MAP3K5: variants seen among roughly 807,000 people sequenced by gnomAD.
MAP3K5 encodes ASK-1.
MAP3K5 carries 56 observed loss-of-function variants against 158.7 expected under a neutral mutation model. That is an observed-to-expected ratio of 0.35 (90% confidence interval 0.28 to 0.44). The LOEUF is 0.44. MAP3K5 is among the 20% of genes least tolerant of loss of function. The probability of loss-of-function intolerance (pLI) is 1.00; values close to 1 mark genes in which losing one functional copy is unlikely to be tolerated. For synonymous variants in MAP3K5, 579 were observed against 601.7 expected (o/e 0.96, Z 0.55); for missense variants, 1,294 against 1,674.8 (o/e 0.77, Z 3.97).
chr6:136,775,659 C>T (rs1168230690), intron 1 of MAP3K5, among the ~76,000 whole-genome samples: 3 of 152,216 alleles, frequency 2.0e-5, no homozygotes, highest in Non-Finnish European at 2.9e-5. Flanking sequence ...CATACATCCA[C>T]TCCTGCAAAC....
In MAP3K5 at chr6:136,726,782, G is replaced by T. The variant is rs545705160; in HGVS notation, c.449-6193C>A. ...TTCAAATCACAATTGCTCATTGCTA[G>T]CATATAAAAATACAATAATTTTTGT... is the stretch of plus-strand genomic sequence containing the variant. On this transcript the variant is annotated intron_variant, in intron 1 of 29. Transcript: ENST00000359015. 5.3e-5 allele frequency among the ~76,000 whole-genome samples: 8 copies of T among 152,216 alleles called. No individual in the cohort carries two copies. The East Asian group carries it at 1.5e-3, about 29-fold the overall frequency.
intron 25 of MAP3K5, among the ~76,000 whole-genome samples, chr6:136,571,179 G>A (rs1044420504): frequency 1.3e-5 from 2 of 152,106 alleles, no homozygotes; most frequent in Admixed American, 6.5e-5. Flanking sequence ...ATCACAGATG[G>A]CTACCCAATT....
At chr6:136,589,518 AG>A (rs1360969238) in intron 23 of MAP3K5, among the ~76,000 whole-genome samples, 2 of 152,214 alleles carry the variant, frequency 1.3e-5, no homozygotes, top group Non-Finnish European at 2.9e-5. Context: ...ACAGAATTCC[AG>A]GGAACACATT....
chr6:136,638,055 T>C (rs1438833230), intron 13 of MAP3K5, among the ~76,000 whole-genome samples: 4 of 152,140 alleles, frequency 2.6e-5, no homozygotes, highest in Non-Finnish European at 5.9e-5. Flanking sequence ...TCATATGTGG[T>C]ATCAACTTCC....
chr6:136,627,710 C>A (rs1777107101), intron 14 of MAP3K5, among the ~76,000 whole-genome samples: 1 of 152,210 alleles, frequency 6.6e-6, no homozygotes, highest in South Asian at 2.1e-4. Context: ...TAGGCCCTCA[C>A]CAGACACTGA....
At chr6:136,755,159 G>T (rs770445343) in intron 1 of MAP3K5, among the ~76,000 whole-genome samples, 11 of 151,852 alleles carry the variant, frequency 7.2e-5, no homozygotes, top group African/African-American at 9.7e-5. Flanking sequence ...ACCTTTAATG[G>T]CTCAGAAAGA....
intron 1 of MAP3K5, among the ~76,000 whole-genome samples, chr6:136,743,293 A>G (rs557890002): frequency 3.7e-4 from 56 of 152,224 alleles, no homozygotes; most frequent in East Asian, 7.7e-4. Context: ...TACTAAAAAT[A>G]CAAAAAATTA....
intron 1 of MAP3K5, among the ~76,000 whole-genome samples, chr6:136,766,654 G>A (rs189151160): frequency 1.2e-3 from 185 of 152,180 alleles, no homozygotes; most frequent in Middle Eastern, 3.4e-3. Flanking sequence ...CCAAATTTAA[G>A]GTAACATTTC....
intron 26 of MAP3K5, among the ~76,000 whole-genome samples, chr6:136,563,037 T>C (rs751549191): frequency 6.6e-6 from 1 of 152,026 alleles, no homozygotes; most frequent in African/African-American, 2.4e-5. Flanking sequence ...CCTAATTTTA[T>C]TGAAATACAG....
chr6:136,747,525 T>C (rs1339834784), intron 1 of MAP3K5, among the ~76,000 whole-genome samples: 1 of 152,240 alleles, frequency 6.6e-6, no homozygotes, highest in Non-Finnish European at 1.5e-5. Flanking sequence ...GCTGGAAATG[T>C]ACAGCAAAGG....
At chr6:136,743,759 A>G (rs1782814343) in intron 1 of MAP3K5, among the ~76,000 whole-genome samples, 1 of 152,260 alleles carries the variant, frequency 6.6e-6, no homozygotes, top group South Asian at 2.1e-4. Flanking sequence ...AGCTTTATTC[A>G]TAATTGCTAA....
At chr6:136,608,365 T>C (rs1204113486) in intron 18 of MAP3K5, among the ~76,000 whole-genome samples, 1 of 151,348 alleles carries the variant, frequency 6.6e-6, no homozygotes, top group Non-Finnish European at 1.5e-5. Context: ...GAGTAGACAG[T>C]AGGGGGCAAA....
At chr6:136,598,363 C>T (rs549972925) in intron 21 of MAP3K5, among the ~76,000 whole-genome samples, 2 of 152,234 alleles carry the variant, frequency 1.3e-5, no homozygotes, top group Non-Finnish European at 2.9e-5. Flanking sequence ...CACTGTCTCT[C>T]CCTTTTGACT....
In MAP3K5 at chr6:136,583,605, T is replaced by C. The variant is rs746238400; in HGVS notation, c.3361A>G (p.Ser1121Gly). Residue 1121 changes from serine to glycine, a missense_variant, in exon 24 of 30, where the codon AGC (serine) becomes GGC (glycine). Physicochemically the swap from Ser to Gly is moderately conservative, Grantham distance 56. Around this residue, in one of 5 missense-constraint regions of MAP3K5, gnomAD observed 362 missense variants for 463.2 expected, o/e 0.78. Transcript: ENST00000359015. The stretch of plus-strand genomic sequence containing the variant: ...ACCTGGACTTGGCTAATGCCATGGC[T>C]GTCGAAGTCCAGCTCCAGTTTCAGC... ...SKLKLELDFD[S>G]HGISQVQVVL... 3.7e-6 allele frequency: 6 copies of C among 1,614,254 alleles called. No individual in the cohort carries two copies. In the East Asian group the frequency reaches 1.3e-4, roughly 36 times the overall value.
intron 7 of MAP3K5, among the ~76,000 whole-genome samples, chr6:136,679,134 T>C (rs568160717): frequency 1.1e-3 from 165 of 152,370 alleles, no homozygotes; most frequent in Non-Finnish European, 1.9e-3. Flanking sequence ...AATTGCCTTA[T>C]GATTAGTACT....
At chr6:136,766,108 G>A (rs192507134) in intron 1 of MAP3K5, among the ~76,000 whole-genome samples, 88 of 152,300 alleles carry the variant, frequency 5.8e-4, no homozygotes, top group African/African-American at 2.0e-3. Flanking sequence ...ATCTGGTACA[G>A]CATAAAACCA....
rs1273549190 is a variant in MAP3K5 at position 136,698,445 on chromosome 6, CA to C, written c.806+43del. ...ATGCACAAATAAAGATGTAGAATAA[CA>C]CTTTATTGTCATCACCAAATGGCAT... is the stretch of plus-strand genomic sequence containing the variant. On this transcript the variant is annotated intron_variant, in intron 4 of 29. Coordinates refer to ENST00000359015, the MANE Select transcript of MAP3K5 (RefSeq NM_005923.4). 3 of 1,516,620 alleles carry C rather than the reference CA, an allele frequency of 2.0e-6. No individual in the cohort carries two copies. In the African/African-American group the frequency reaches 4.1e-5, roughly 21 times the overall value. 93.9% of individuals were successfully genotyped at this position (1,516,620 alleles called of 1,614,324 possible).
chr6:136,561,533 C>G lies in MAP3K5; in HGVS notation c.3987G>C (p.Arg1329=). 1 of 1,605,040 alleles carries G rather than the reference C, an allele frequency of 6.2e-7. No homozygotes were observed. The highest frequency in any genetic ancestry group is 8.5e-7 in the Non-Finnish European group (1 of 1,172,324). Reference sequence around the variant, plus strand: ...TTGTCCCACAGACAGTTTTCTTTACCCGGCTTATAGTGTCTTCATCAGCTC... The same window carrying G: ...TTGTCCCACAGACAGTTTTCTTTACGCGGCTTATAGTGTCTTCATCAGCTC... The part of the protein sequence containing the change: ...VNGADEDTIS[R]FLAEDYTLLD... Residue 1329 remains arginine, a splice_region_variant and synonymous_variant, in exon 28 of 30, where the codon CGG becomes CGC. Coordinates refer to ENST00000359015, the MANE Select transcript of MAP3K5 (RefSeq NM_005923.4).
At chr6:136,644,109 G>A (rs1446171597) in intron 11 of MAP3K5, among the ~76,000 whole-genome samples, 5 of 152,106 alleles carry the variant, frequency 3.3e-5, no homozygotes, top group African/African-American at 1.2e-4. Context: ...AGACAGCACT[G>A]GTAAAACCCA....
Sources: allele counts gnomAD v4.1 joint callset (sites outside exome capture counted in the v4.1 genomes callset), GRCh38; gene constraint gnomAD v4.1.1; regional missense constraint gnomAD v4.1.1; transcripts MANE v1.5; gene names NCBI Gene and HGNC (gene_info 2026-07-23, HGNC 2026-07-21).